MTHFD1: variants seen among roughly 807,000 people sequenced by gnomAD.
The protein encoded by MTHFD1 is methylenetetrahydrofolate dehydrogenase, cyclohydrolase and formyltetrahydrofolate synthetase 1.
MTHFD1 carries 44 observed loss-of-function variants against 110.3 expected under a neutral mutation model. The ratio of observed to expected loss-of-function variants is 0.40; its 90% CI spans 0.31 to 0.51. The LOEUF (loss-of-function observed/expected upper bound fraction) is 0.51. MTHFD1 is among the 20% of genes least tolerant of loss of function. MTHFD1 has a pLI of 0.60. For synonymous variants in MTHFD1, 402 were observed against 428.8 expected, an observed-to-expected ratio of 0.94 and a Z score of 0.77; for missense variants, 909 against 1,173.1, an observed-to-expected ratio of 0.77 and a Z score of 3.29.
At chr14:64,401,744 T>A (rs1288327021) in intron 2 of MTHFD1, among the ~76,000 whole-genome samples, 1 of 151,976 alleles carries the variant, frequency 6.6e-6, no homozygotes, top group African/African-American at 2.4e-5. Context: ...AAAATGTTTA[T>A]TCATTTAAAA....
intron 3 of MTHFD1, 38 bp from the exon 4 acceptor site, chr14:64,412,434 G>T: frequency 6.6e-7 from 1 of 1,507,834 alleles, no homozygotes; most frequent in Non-Finnish European, 9.2e-7. Flanking sequence ...ATCTCAAGTT[G>T]TCTTGCCATT....
chr14:64,425,782 G>T lies in MTHFD1; in HGVS notation c.908G>T (p.Trp303Leu). 1 of 1,613,694 alleles carries T rather than the reference G, an allele frequency of 6.2e-7. No individual in the cohort carries two copies. The highest frequency in any genetic ancestry group is 8.5e-7 in the Non-Finnish European group (1 of 1,179,980). ...CTGGAGAAATTTAAGCCAGGAAAGT[G>T]GATGATTCAGTATAACAACCTTAAC... ...RFLEKFKPGK[W>L]MIQYNNLNLK... The change falls in exon 10 of 28, where the codon TGG (tryptophan) becomes TTG (leucine). Residue 303 changes from tryptophan (W) to leucine (L), a missense_variant. Transcript: ENST00000652337.
Position 64,459,766 on chromosome 14 carries a change from T to TC in MTHFD1, c.*14dup, listed in dbSNP as rs2078532683. The TC allele has an allele frequency of 6.5e-7, 1 of 1,533,054 alleles. No homozygotes were observed. The highest frequency in any genetic ancestry group is 1.4e-5 in the African/African-American group (1 of 72,868). 95.0% of individuals were successfully genotyped at this position (1,533,054 alleles called of 1,614,324 possible). A position where few individuals can be genotyped will look rare whatever the true frequency, so the allele number is the denominator to read the frequency against. ...TCTTGTTTTTCCTTCCAGATCACCA[T>TC]CCATCTTCAAGAAGCTACTTTGAAA... On this transcript the variant is annotated 3_prime_UTR_variant, in exon 28 of 28. Coordinates refer to ENST00000652337, the MANE Select transcript of MTHFD1 (RefSeq NM_005956.4).
chr14:64,421,781 G>A (rs1011420022), intron 8 of MTHFD1, among the ~76,000 whole-genome samples: 5 of 151,856 alleles, frequency 3.3e-5, no homozygotes, highest in Admixed American at 1.3e-4. Context: ...CCGCCACCAC[G>A]CCCGGCTAAT....
chr14:64,435,861 A>G (rs1435835734), intron 16 of MTHFD1, among the ~76,000 whole-genome samples, 190 bp downstream of exon 16: 1 of 152,188 alleles, frequency 6.6e-6, no homozygotes, highest in Admixed American at 6.5e-5. Flanking sequence ...ATTAGCTATC[A>G]TCAAATCTCT....
Position 64,418,002 on chromosome 14 carries a change from A to T in MTHFD1, c.593A>T (p.Lys198Met). 1 of 1,614,116 alleles carries T rather than the reference A, an allele frequency of 6.2e-7. No homozygotes were observed. The highest frequency in any genetic ancestry group is 1.7e-4 in the Middle Eastern group (1 of 6,060). ...NNATVTTCHSKTAHLDEEVNK... is the reference protein window; with the variant it reads ...NNATVTTCHSMTAHLDEEVNK... ...GCCACAGTGACCACCTGCCACTCCA[A>T]GACTGCCCATCTGGATGAGGAGGTA... Residue 198 changes from lysine (K) to methionine (M), a missense_variant, in exon 7 of 28, where the codon AAG becomes ATG. Physicochemically the swap from Lys to Met is moderately conservative, Grantham distance 95 (BLOSUM62 -1). Transcript: ENST00000652337.
chr14:64,402,530 C>G (rs950916438), intron 2 of MTHFD1, among the ~76,000 whole-genome samples: 5 of 152,158 alleles, frequency 3.3e-5, no homozygotes, highest in African/African-American at 1.2e-4. Context: ...CCTGAATAAT[C>G]ATTGCTTGTC....
chr14:64,428,314 C>A (rs975446443), intron 12 of MTHFD1, among the ~76,000 whole-genome samples: 2 of 151,456 alleles, frequency 1.3e-5, no homozygotes, highest in African/African-American at 4.9e-5. Flanking sequence ...CGGGGTTTCA[C>A]CATTTTGGCC....
At chr14:64,457,752 G>A (rs192248870) in intron 26 of MTHFD1, among the ~76,000 whole-genome samples, 221 of 152,196 alleles carry the variant, frequency 1.5e-3, no homozygotes, top group African/African-American at 5.0e-3. Flanking sequence ...CACCACGCCC[G>A]GCAGGGATCA....
chr14:64,438,995 CA>C, intron 16 of MTHFD1, 100 bp from the exon 17 acceptor site: 1 of 831,368 alleles, frequency 1.2e-6, no homozygotes. Flanking sequence ...TATTGATAGA[CA>C]ATCATGAAAT....
intron 1 of MTHFD1, among the ~76,000 whole-genome samples, chr14:64,396,718 T>C (rs1170398278): frequency 6.6e-6 from 1 of 151,692 alleles, no homozygotes; most frequent in Non-Finnish European, 1.5e-5. Context: ...TTTAGTAGTA[T>C]AAAAATTGTT....
chr14:64,419,696 T>A, intron 7 of MTHFD1, 118 bp from the exon 8 acceptor site: 1 of 754,170 alleles, frequency 1.3e-6, no homozygotes, highest in Non-Finnish European at 2.4e-6. Flanking sequence ...TCTTATGAAA[T>A]AGCTTATGAC....
chr14:64,397,451 C>A (rs2077867042), intron 1 of MTHFD1, among the ~76,000 whole-genome samples: 2 of 151,596 alleles, frequency 1.3e-5, no homozygotes, highest in Non-Finnish European at 2.9e-5. Flanking sequence ...TGCCACCACG[C>A]CTGGCTGATT....
At chr14:64,457,492 G>T (rs1246106714) in intron 26 of MTHFD1, among the ~76,000 whole-genome samples, 1 of 146,622 alleles carries the variant, frequency 6.8e-6, no homozygotes, top group Admixed American at 7.0e-5. Flanking sequence ...GTCTTGCTCT[G>T]TCACCCAGGC....
intron 12 of MTHFD1, among the ~76,000 whole-genome samples, chr14:64,428,694 C>T (rs1367944724): frequency 6.6e-6 from 1 of 151,564 alleles, no homozygotes; most frequent in East Asian, 2.0e-4. Context: ...GCTGGGACTA[C>T]AGGTGCGTGC....
At chr14:64,411,572 C>T (rs61985962) in intron 3 of MTHFD1, among the ~76,000 whole-genome samples, 42,199 of 152,120 alleles carry the variant, frequency 0.28, 6,414 homozygotes, top group African/African-American at 0.41. Flanking sequence ...CATTCATGAC[C>T]TTCTCTGGCT....
chr14:64,402,746 C>G (rs1445853270), intron 2 of MTHFD1, among the ~76,000 whole-genome samples: 1 of 151,816 alleles, frequency 6.6e-6, no homozygotes, highest in African/African-American at 2.4e-5. Context: ...GAAGTCGAGG[C>G]TGCAGGGAGT....
At chr14:64,457,601 A>G (rs2078496619) in intron 26 of MTHFD1, among the ~76,000 whole-genome samples, 2 of 152,050 alleles carry the variant, frequency 1.3e-5, no homozygotes, top group Admixed American at 1.3e-4. Flanking sequence ...GATTACAGGC[A>G]CACGCCACCA....
In MTHFD1 at chr14:64,448,254, A is replaced by G; in HGVS notation, c.2216A>G (p.Lys739Arg). 1 of 1,614,230 alleles carries G rather than the reference A, an allele frequency of 6.2e-7. No individual in the cohort carries two copies. Among genetic ancestry groups the G allele is most frequent in the Non-Finnish European group, 8.5e-7 (1 of 1,180,038 alleles). ...GTTGAAAAAGGCTTCAGTAACTTGA[A>G]GAAACAAATTGAAAATGCCAGAATG... Reference protein sequence around the residue: ...ELVEKGFSNLKKQIENARMFG... With the variant: ...ELVEKGFSNLRKQIENARMFG... Residue 739 changes from lysine (K) to arginine (R), a missense_variant, in exon 23 of 28, where the codon AAG (lysine) becomes AGG (arginine). Around this residue, in one of 3 missense-constraint regions of MTHFD1, gnomAD observed 482 missense variants for 646.0 expected, o/e 0.75. Coordinates refer to ENST00000652337, the MANE Select transcript of MTHFD1 (RefSeq NM_005956.4).
Sources: gnomAD v4.1 joint callset for allele counts (sites outside exome capture counted in the v4.1 genomes callset) on GRCh38, gnomAD v4.1.1 for gene constraint, gnomAD v4.1.1 regional missense constraint, MANE v1.5 for transcripts, NCBI Gene and HGNC (gene_info 2026-07-23, HGNC 2026-07-21) for gene names.